Variants in PHLPP1 observed in about 807,000 individuals in gnomAD.
PHLPP1 encodes PH domain and leucine rich repeat protein phosphatase 1.
In PHLPP1, 42 loss-of-function variants were observed where a neutral mutation model predicts 117.2. The observed-to-expected ratio is 0.36, with a 90% CI of 0.28 to 0.46. The LOEUF is 0.46. PHLPP1 is among the 20% of genes least tolerant of loss of function. PHLPP1 has a pLI of 1.00. For missense variants in PHLPP1, 2,084 were observed against 2,241.9 expected, an observed-to-expected ratio of 0.93 and a Z score of 1.42; for synonymous variants, 1,042 against 970.7, an observed-to-expected ratio of 1.07 and a Z score of -1.37.
At chr18:62,740,638 G>A (rs1911498392) in intron 1 of PHLPP1, among the ~76,000 whole-genome samples, 1 of 152,172 alleles carries the variant, frequency 6.6e-6, no homozygotes, top group Non-Finnish European at 1.5e-5. Context: ...TTAAATTATG[G>A]TTATTGAAAC....
intron 10 of PHLPP1, 61 bp from the exon 11 acceptor site, chr18:62,941,657 T>C: frequency 2.4e-6 from 3 of 1,234,768 alleles, no homozygotes; most frequent in Non-Finnish European, 3.5e-6. Flanking sequence ...TCAAAGCTTT[T>C]AGGTTTCTTG....
At chr18:62,896,295 G>GT (rs11373740) in intron 6 of PHLPP1, among the ~76,000 whole-genome samples, 31,073 of 140,138 alleles carry the variant, frequency 0.22, 5,063 homozygotes, top group African/African-American at 0.45. Flanking sequence ...TGTTGTTCTT[G>GT]TTTTTTTTTT....
intron 6 of PHLPP1, among the ~76,000 whole-genome samples, chr18:62,898,503 C>T (rs1038791470): frequency 2.6e-5 from 4 of 152,142 alleles, no homozygotes; most frequent in African/African-American, 9.7e-5. Flanking sequence ...CAATTTTGCT[C>T]AGAGCCTGCG....
chr18:62,795,506 A>AC (rs960911265), intron 1 of PHLPP1, among the ~76,000 whole-genome samples: 1 of 151,570 alleles, frequency 6.6e-6, no homozygotes, highest in Non-Finnish European at 1.5e-5. Flanking sequence ...AAAAAAAAAA[A>AC]AAAAAAACAA....
At chr18:62,914,864 C>T in intron 8 of PHLPP1, 49 bp from the exon 9 acceptor site, 2 of 1,324,804 alleles carry the variant, frequency 1.5e-6, no homozygotes, top group South Asian at 1.2e-5. Flanking sequence ...AGTTTAGAAC[C>T]ACATTTGAGG....
At chr18:62,820,079 A>G (rs1015607576) in intron 1 of PHLPP1, among the ~76,000 whole-genome samples, 10 of 152,220 alleles carry the variant, frequency 6.6e-5, no homozygotes, top group African/African-American at 2.4e-4. Context: ...ATTTTAGAGA[A>G]AACAGTATAA....
At chr18:62,806,956 A>C (rs1016723401) in intron 1 of PHLPP1, among the ~76,000 whole-genome samples, 1 of 152,204 alleles carries the variant, frequency 6.6e-6, no homozygotes, top group African/African-American at 2.4e-5. Context: ...AATTAGTTTA[A>C]ATCAGTATGT....
chr18:62,969,385 G>T (rs1286524487), intron 14 of PHLPP1, among the ~76,000 whole-genome samples: 1 of 152,024 alleles, frequency 6.6e-6, no homozygotes, highest in Non-Finnish European at 1.5e-5. Context: ...TGGAGAACAC[G>T]CTTTGTATGA....
intron 1 of PHLPP1, among the ~76,000 whole-genome samples, chr18:62,804,963 TTATACA>T (rs1250759333): frequency 6.8e-6 from 1 of 146,698 alleles, no homozygotes; most frequent in African/African-American, 2.5e-5. Flanking sequence ...ACTGCATAGG[TTATACA>T]TATACAGTAT....
chr18:62,729,166 G>A (rs759555749), intron 1 of PHLPP1, among the ~76,000 whole-genome samples: 7 of 152,268 alleles, frequency 4.6e-5, no homozygotes, highest in Non-Finnish European at 5.9e-5. Context: ...TTTGGCAAAC[G>A]GGCTTTCATG....
rs1226371294 is a variant in PHLPP1, at chr18:62,975,642, G to T, written c.3984+17G>T. On this transcript the variant is annotated intron_variant, in intron 16 of 16. Coordinates refer to ENST00000262719, the MANE Select transcript of PHLPP1 (RefSeq NM_194449.4). ...ATCACTGAGGTGAGAAAACAGGGGT[G>T]TTGCCCAGGATGGTGGAGAGGAGAG... 2 of 1,541,264 alleles carry T rather than the reference G, an allele frequency of 1.3e-6. No homozygotes were observed. The highest frequency in any genetic ancestry group is 1.8e-6 in the Non-Finnish European group (2 of 1,113,850).
chr18:62,945,386 C>T (rs1910251356), intron 12 of PHLPP1, 115 bp downstream of exon 12: 2 of 795,290 alleles, frequency 2.5e-6, no homozygotes, highest in East Asian at 2.9e-5. Flanking sequence ...AATGAAGGCC[C>T]CCATTAGCCC....
rs553802557 is a variant in PHLPP1 at position 62,728,672 on chromosome 18, G to A, written c.1576+11413G>A. ...TACAGGTACACACCACTACACCTGG[G>A]TACTTTTTGTATTTTCAGTAGAGAC... On this transcript the variant is annotated intron_variant, in intron 1 of 16. Coordinates refer to ENST00000262719, the MANE Select transcript of PHLPP1 (RefSeq NM_194449.4). Among the ~76,000 whole-genome samples the A allele has an allele frequency of 4.7e-4, 72 of 151,962 alleles. No individual in the cohort carries two copies. The Middle Eastern group carries it at 0.017, about 36-fold the overall frequency.
chr18:62,855,986 A>G (rs1210011771), intron 3 of PHLPP1, among the ~76,000 whole-genome samples: 1 of 152,174 alleles, frequency 6.6e-6, no homozygotes, highest in Non-Finnish European at 1.5e-5. Context: ...CCTTTCCTTT[A>G]TGGAGCTTAC....
At chr18:62,898,588 G>A (rs996965250) in intron 6 of PHLPP1, among the ~76,000 whole-genome samples, 2 of 152,048 alleles carry the variant, frequency 1.3e-5, no homozygotes, top group Non-Finnish European at 2.9e-5. Context: ...TGAGGATGAG[G>A]CTCTATCTCT....
intron 1 of PHLPP1, among the ~76,000 whole-genome samples, chr18:62,807,971 T>G (rs926438121): frequency 1.2e-4 from 19 of 152,148 alleles, no homozygotes; most frequent in Non-Finnish European, 1.3e-4. Context: ...TTAAAATAAT[T>G]GAATTAGGCA....
intron 10 of PHLPP1, among the ~76,000 whole-genome samples, chr18:62,933,236 ATT>A (rs1909870186): frequency 6.6e-6 from 1 of 152,106 alleles, no homozygotes; most frequent in African/African-American, 2.4e-5. Flanking sequence ...TACCAATGTC[ATT>A]TTTCATGAAA....
At chr18:62,945,357 C>A in intron 12 of PHLPP1, 86 bp downstream of exon 12, 1 of 1,137,482 alleles carries the variant, frequency 8.8e-7, no homozygotes, top group Non-Finnish European at 1.2e-6. Flanking sequence ...ACGTTTGCAT[C>A]TTTGTTGGAT....
chr18:62,942,220 T>TA (rs1910149713), intron 11 of PHLPP1, among the ~76,000 whole-genome samples: 1 of 152,172 alleles, frequency 6.6e-6, no homozygotes, highest in South Asian at 2.1e-4. Context: ...ATTAATTTTT[T>TA]AAAAAACCAT....
Sources: gnomAD v4.1 joint callset for allele counts (sites outside exome capture counted in the v4.1 genomes callset) on GRCh38, gnomAD v4.1.1 for gene constraint, MANE v1.5 for transcripts, NCBI Gene and HGNC (gene_info 2026-07-23, HGNC 2026-07-21) for gene names.